Variants in MNAT1 observed in about 807,000 individuals in gnomAD.
The protein encoded by MNAT1 is CDK-activating kinase assembly factor MAT1.
A neutral mutation model predicts 42.0 loss-of-function variants in MNAT1; 43 were observed. The ratio of observed to expected loss-of-function variants is 1.02; its 90% CI spans 0.80 to 1.32. The LOEUF is 1.32. Ranked by LOEUF, MNAT1 falls within the 40% of genes most tolerant of loss-of-function variation. The pLI is 0.00. For synonymous variants in MNAT1, 118 were observed against 120.0 expected, an observed-to-expected ratio of 0.98 and a Z score of 0.11; for missense variants, 306 against 350.4, an observed-to-expected ratio of 0.87 and a Z score of 1.01.
chr14:60,906,231 A>G (rs781096838), intron 7 of MNAT1, among the ~76,000 whole-genome samples: 2 of 152,180 alleles, frequency 1.3e-5, no homozygotes, highest in Non-Finnish European at 2.9e-5. Context: ...TCAGAGAGGT[A>G]GCAGGTTTTT....
chr14:60,743,383 G>A (rs1896530123), intron 1 of MNAT1, among the ~76,000 whole-genome samples: 1 of 152,052 alleles, frequency 6.6e-6, no homozygotes, highest in Admixed American at 6.5e-5. Context: ...CCGCCTCCCA[G>A]GTTCAAGCGA....
At chr14:60,874,284 C>G (rs1160841794) in intron 6 of MNAT1, among the ~76,000 whole-genome samples, 1 of 152,170 alleles carries the variant, frequency 6.6e-6, no homozygotes, top group Non-Finnish European at 1.5e-5. Context: ...TTTAAGCTAT[C>G]TATACTGATT....
chr14:60,810,968 C>T (rs1299457231), intron 4 of MNAT1, among the ~76,000 whole-genome samples: 2 of 152,218 alleles, frequency 1.3e-5, no homozygotes, highest in African/African-American at 2.4e-5. Context: ...AAGTCTCCTA[C>T]TGTTACTATA....
intron 7 of MNAT1, among the ~76,000 whole-genome samples, chr14:60,903,152 A>G (rs1056398920): frequency 5.9e-5 from 9 of 151,262 alleles, no homozygotes; most frequent in African/African-American, 1.2e-4. Flanking sequence ...TGTATCACAT[A>G]TATGTATTTT....
chr14:60,872,939 T>C (rs181383061), intron 6 of MNAT1, among the ~76,000 whole-genome samples: 6 of 152,200 alleles, frequency 3.9e-5, no homozygotes, highest in Admixed American at 3.3e-4. Context: ...AATTTTACTT[T>C]TAAATTCTTC....
At chr14:60,903,997 G>A (rs563962565) in intron 7 of MNAT1, among the ~76,000 whole-genome samples, 2 of 150,000 alleles carry the variant, frequency 1.3e-5, no homozygotes, top group African/African-American at 2.4e-5. Flanking sequence ...TCAGCCTCCC[G>A]AGTAGCGGGG....
intron 6 of MNAT1, among the ~76,000 whole-genome samples, chr14:60,832,630 C>G (rs777648841): frequency 6.6e-6 from 1 of 151,108 alleles, no homozygotes; most frequent in Non-Finnish European, 1.5e-5. Context: ...CAGCTTTGTT[C>G]TTTTTGCTTA....
intron 6 of MNAT1, among the ~76,000 whole-genome samples, chr14:60,855,189 A>T (rs1442878905): frequency 6.6e-6 from 1 of 152,142 alleles, no homozygotes; most frequent in Non-Finnish European, 1.5e-5. Flanking sequence ...ACCTAGGTTG[A>T]CTTCACACTG....
At chr14:60,898,128 TGTGTGTGTGTGTGCGC>T (rs2034997512) in intron 7 of MNAT1, among the ~76,000 whole-genome samples, 1 of 96,382 alleles carries the variant, frequency 1.0e-5, no homozygotes, top group African/African-American at 3.8e-5. Flanking sequence ...TGTGTGTGTG[TGTGTGTGTGTGTGCGC>T]GCGCCACATT....
At chr14:60,818,046 G>A (rs1368356128) in intron 5 of MNAT1, among the ~76,000 whole-genome samples, 1 of 151,894 alleles carries the variant, frequency 6.6e-6, no homozygotes, top group Admixed American at 6.6e-5. Flanking sequence ...TAACTCCACA[G>A]CACTTTAAAG....
chr14:60,936,757 G>T (rs1331997465), intron 7 of MNAT1, among the ~76,000 whole-genome samples: 1 of 152,108 alleles, frequency 6.6e-6, no homozygotes, highest in Non-Finnish European at 1.5e-5. Flanking sequence ...GGGATTGCTG[G>T]GTCAAATGGT....
At chr14:60,754,573 TCTC>T (rs1416078612) in intron 1 of MNAT1, among the ~76,000 whole-genome samples, 2 of 152,136 alleles carry the variant, frequency 1.3e-5, no homozygotes, top group African/African-American at 4.8e-5. Flanking sequence ...ATGGTCTCGA[TCTC>T]CTGACCTTGT....
chr14:60,844,122 T>C (rs1026517664), intron 6 of MNAT1, among the ~76,000 whole-genome samples: 1 of 81,600 alleles, frequency 1.2e-5, no homozygotes, highest in East Asian at 3.0e-4. Flanking sequence ...GTTTTCCTTA[T>C]TCTGTTTCAA....
Position 60,796,372 on chromosome 14 carries a change from A to G in MNAT1, c.242+3A>G, listed in dbSNP as rs748351275. The G allele has an allele frequency of 6.2e-7, 1 of 1,608,794 alleles. No individual in the cohort carries two copies. Among genetic ancestry groups the G allele is most frequent in the Non-Finnish European group, 8.5e-7 (1 of 1,177,470 alleles). On this transcript the variant is annotated splice_donor_region_variant and intron_variant, in intron 2 of 7. Coordinates refer to ENST00000261245, the MANE Select transcript of MNAT1 (RefSeq NM_002431.4). Reference sequence around the variant, plus strand: ...ATCAGGAAAAAAGTGCTAAAGATGTAAGTATTCCTGCTCGAATGATTCAGT... The same window carrying G: ...ATCAGGAAAAAAGTGCTAAAGATGTGAGTATTCCTGCTCGAATGATTCAGT...
rs867043907 is a variant in MNAT1, at chr14:60,740,321, T to A, written c.89+5370T>A. On this transcript the variant is annotated intron_variant, in intron 1 of 7. Coordinates refer to ENST00000261245, the MANE Select transcript of MNAT1 (RefSeq NM_002431.4). The surrounding 1 kb of genome is among the most constrained non-coding windows in gnomAD (Gnocchi z 4.1). The stretch of plus-strand genomic sequence containing the variant: ...AAAGGCAATGTTTTGTGATAGTTAC[T>A]TAACATCTTTCTCTTTCTTTTTTTC... 1.4e-4 allele frequency among the ~76,000 whole-genome samples: 22 copies of A among 152,356 alleles called. No homozygotes were observed. Among genetic ancestry groups the A allele is most frequent in the East Asian group, 9.6e-4 (5 of 5,188 alleles).
At chr14:60,833,912 A>G (rs1055422042) in intron 6 of MNAT1, among the ~76,000 whole-genome samples, 1 of 152,130 alleles carries the variant, frequency 6.6e-6, no homozygotes, top group Non-Finnish European at 1.5e-5. Flanking sequence ...GGGAGGATGT[A>G]TGTGTCCAGG....
intron 7 of MNAT1, among the ~76,000 whole-genome samples, chr14:60,918,272 G>A (rs1386741710): frequency 7.6e-6 from 1 of 130,822 alleles, no homozygotes; most frequent in Non-Finnish European, 1.6e-5. Flanking sequence ...GCAGTGGTGC[G>A]ATCTTGGCTC....
At chr14:60,796,403 A>C (rs758992957) in intron 2 of MNAT1, 34 bp downstream of exon 2, 1 of 1,586,252 alleles carries the variant, frequency 6.3e-7, no homozygotes. Context: ...TCAGTCAACA[A>C]AGAGGACTTT....
At chr14:60,967,297 G>GA (rs2036699237) in intron 7 of MNAT1, among the ~76,000 whole-genome samples, 1 of 152,202 alleles carries the variant, frequency 6.6e-6, no homozygotes, top group African/African-American at 2.4e-5. Context: ...ATGAATGAGT[G>GA]AAAAAGGTTC....
Sources: gnomAD v4.1 joint callset for allele counts (sites outside exome capture counted in the v4.1 genomes callset) on GRCh38, gnomAD v4.1.1 for gene constraint, Gnocchi (gnomAD v3.1) non-coding constraint, MANE v1.5 for transcripts, NCBI Gene and HGNC (gene_info 2026-07-23, HGNC 2026-07-21) for gene names.